Variants in CSMD3 observed in about 807,000 individuals in gnomAD.
CSMD3 encodes the protein CUB and Sushi multiple domains 3, also known as CUB and sushi domain-containing protein 3.
Under a neutral mutation model 435.2 loss-of-function variants are expected in CSMD3, and 177 were observed. The observed-to-expected ratio is 0.41, with a 90% CI of 0.36 to 0.46. The LOEUF (loss-of-function observed/expected upper bound fraction) is 0.46, where lower values mean the gene tolerates loss of function less well. Among genes scored for constraint, CSMD3 ranks in the 20% least tolerant of loss-of-function variants. The pLI is 0.34. For synonymous variants in CSMD3, 1,656 were observed against 1,520.5 expected (o/e 1.09, Z -2.07); for missense variants, 4,265 against 4,504.6 (o/e 0.95, Z 1.52).
intron 12 of CSMD3, among the ~76,000 whole-genome samples, chr8:112,823,483 C>T (rs1014548325): frequency 6.6e-6 from 1 of 152,136 alleles, no homozygotes; most frequent in Middle Eastern, 3.2e-3. Flanking sequence ...CCTCTTAACA[C>T]TACTTTAGCT....
chr8:112,772,173 CTG>C (rs141557437), intron 13 of CSMD3, among the ~76,000 whole-genome samples: 50,345 of 150,696 alleles, frequency 0.33, 9,178 homozygotes, highest in African/African-American at 0.5. Context: ...TGACTAAAAA[CTG>C]TGGGGAAAAG....
intron 32 of CSMD3, among the ~76,000 whole-genome samples, chr8:112,435,229 C>T (rs181712155): frequency 1.3e-5 from 2 of 151,864 alleles, no homozygotes; most frequent in African/African-American, 4.8e-5. Context: ...CCTTTTTGTG[C>T]GGGTAGATAG....
intron 1 of CSMD3, among the ~76,000 whole-genome samples, chr8:113,424,360 T>G (rs528994126): frequency 6.6e-6 from 1 of 151,862 alleles, no homozygotes; most frequent in South Asian, 2.1e-4. Context: ...ATTGAAAAAC[T>G]ATACTTCATC....
At chr8:112,856,212 T>C (rs761681304) in intron 11 of CSMD3, among the ~76,000 whole-genome samples, 2 of 151,936 alleles carry the variant, frequency 1.3e-5, no homozygotes, top group Non-Finnish European at 2.9e-5. Context: ...TTACAGAAGC[T>C]TGTGGAAGGG....
intron 13 of CSMD3, among the ~76,000 whole-genome samples, chr8:112,692,928 TC>T (rs2076168957): frequency 2.3e-5 from 3 of 131,336 alleles, no homozygotes; most frequent in South Asian, 5.3e-4. Flanking sequence ...TATCTATCTA[TC>T]TATCTATCTA....
intron 4 of CSMD3, among the ~76,000 whole-genome samples, chr8:113,152,803 AC>A (rs2091839487): frequency 6.6e-6 from 1 of 151,520 alleles, no homozygotes; most frequent in African/African-American, 2.4e-5. Context: ...ACATTGTGAA[AC>A]CCCATCCCTA....
chr8:112,534,450 G>A (rs568257113), intron 27 of CSMD3, among the ~76,000 whole-genome samples: 15 of 152,142 alleles, frequency 9.9e-5, no homozygotes, highest in Non-Finnish European at 1.2e-4. Context: ...TAAATTCCTC[G>A]ACACATACAC....
At chr8:112,304,611 T>G (rs537957946) in intron 52 of CSMD3, 110 bp downstream of exon 52, 1 of 822,028 alleles carries the variant, frequency 1.2e-6, no homozygotes, top group Admixed American at 1.9e-5. Flanking sequence ...ATGACCATAT[T>G]AGTAATGTCA....
chr8:113,203,013 AT>A (rs1400118075), intron 3 of CSMD3, among the ~76,000 whole-genome samples: 1 of 152,074 alleles, frequency 6.6e-6, no homozygotes, highest in Non-Finnish European at 1.5e-5. Flanking sequence ...AGAAACCCAT[AT>A]TTTTTCAACT....
chr8:113,230,239 CAACAT>C (rs1261834164), intron 3 of CSMD3, among the ~76,000 whole-genome samples: 5 of 151,734 alleles, frequency 3.3e-5, no homozygotes, highest in Middle Eastern at 3.4e-3. Context: ...GCTGGATAGA[CAACAT>C]AACATCTGTT....
intron 3 of CSMD3, among the ~76,000 whole-genome samples, chr8:113,192,848 C>T (rs889199725): frequency 6.6e-6 from 1 of 151,112 alleles, no homozygotes; most frequent in Non-Finnish European, 1.5e-5. Flanking sequence ...TGGACTTTAG[C>T]TTCTATGCTA....
chr8:113,074,976 T>G (rs989047804), intron 5 of CSMD3, among the ~76,000 whole-genome samples: 6 of 151,822 alleles, frequency 4.0e-5, no homozygotes, highest in African/African-American at 1.4e-4. Flanking sequence ...TAGTAAAACT[T>G]ATTAATTATA....
chr8:112,964,992 C>G (rs2084364917), intron 7 of CSMD3, among the ~76,000 whole-genome samples: 2 of 151,902 alleles, frequency 1.3e-5, no homozygotes, highest in Non-Finnish European at 2.9e-5. Context: ...AGCAGGGTAG[C>G]CATATGCTCT....
chr8:112,888,351 G>A (rs975338326), intron 10 of CSMD3, among the ~76,000 whole-genome samples: 6 of 151,624 alleles, frequency 4.0e-5, no homozygotes, highest in Admixed American at 1.3e-4. Context: ...TCTGGCTAAC[G>A]TAGGCTTAAA....
chr8:113,297,846 T>C (rs1218673267), intron 2 of CSMD3, among the ~76,000 whole-genome samples: 1 of 152,128 alleles, frequency 6.6e-6, no homozygotes, highest in Non-Finnish European at 1.5e-5. Flanking sequence ...TTGTTTTATG[T>C]AACATGCACC....
At chr8:113,162,423 TG>T (rs2092060425) in intron 4 of CSMD3, among the ~76,000 whole-genome samples, 1 of 151,480 alleles carries the variant, frequency 6.6e-6, no homozygotes, top group African/African-American at 2.4e-5. Context: ...AAATTAGCTG[TG>T]CATGGTGGCA....
intron 70 of CSMD3, 50 bp downstream of exon 70, chr8:112,228,706 T>A (rs1812802292): frequency 6.4e-7 from 1 of 1,564,756 alleles, no homozygotes; most frequent in Non-Finnish European, 8.8e-7. Flanking sequence ...AGAAATAACA[T>A]GAAAAACAGA....
intron 1 of CSMD3, among the ~76,000 whole-genome samples, chr8:113,433,888 G>GT: frequency 6.6e-6 from 1 of 152,156 alleles, no homozygotes; most frequent in Non-Finnish European, 1.5e-5. Context: ...GTACCTGTGT[G>GT]GGGGGTGCGG....
intron 29 of CSMD3, among the ~76,000 whole-genome samples, chr8:112,505,057 A>G (rs200381624): frequency 6.6e-6 from 1 of 152,120 alleles, no homozygotes; most frequent in Non-Finnish European, 1.5e-5. Context: ...ACGTTCCACA[A>G]TCTCATCCTT....
Sources: allele counts gnomAD v4.1 joint callset (sites outside exome capture counted in the v4.1 genomes callset), GRCh38; gene constraint gnomAD v4.1.1; transcripts MANE v1.5; gene names NCBI Gene and HGNC (gene_info 2026-07-23, HGNC 2026-07-21).